PCDH15: variants seen among roughly 807,000 people sequenced by gnomAD.
PCDH15 encodes the protein protocadherin-15.
Under a neutral mutation model 178.5 loss-of-function variants are expected in PCDH15, and 129 were observed. The observed-to-expected ratio is 0.72, with a 90% CI of 0.63 to 0.84. The LOEUF is 0.84. PCDH15 is among the 40% of genes least tolerant of loss of function. The probability of loss-of-function intolerance (pLI) is 0.00; values close to 1 mark genes in which losing one functional copy is unlikely to be tolerated. For missense variants in PCDH15, 2,230 were observed against 2,099.9 expected (o/e 1.06, Z -1.21); for synonymous variants, 800 against 732.0 (o/e 1.09, Z -1.50).
At chr10:53,940,997 T>A in intron 23 of PCDH15, 22 bp from the exon 24 acceptor site, 2 of 1,465,386 alleles carry the variant, frequency 1.4e-6, no homozygotes, top group South Asian at 1.1e-5. Flanking sequence ...GAGAAGATGA[T>A]GTATTTATTT....
rs146472990 is a variant in PCDH15 at position 54,107,771 on chromosome 10, G to A, written c.1918-17708C>T. On this transcript the variant is annotated intron_variant, in intron 15 of 37. Transcript: ENST00000644397. ...ATGTAAAGAATCAGAGCCTGGGTGG[G>A]GTTTCAGAAAGTAAACGGTGTCAAA... Among the ~76,000 whole-genome samples, 351 of 152,176 alleles carry A rather than the reference G, an allele frequency of 2.3e-3. 1 individual carries two copies. Among genetic ancestry groups the A allele is most frequent in the Non-Finnish European group, 3.4e-3 (230 of 67,996 alleles).
At chr10:53,921,567 C>A (rs1564773694) in intron 25 of PCDH15, among the ~76,000 whole-genome samples, 1 of 152,142 alleles carries the variant, frequency 6.6e-6, no homozygotes, top group Admixed American at 6.5e-5. Flanking sequence ...CCAGGCCAAT[C>A]AGATTCTCTC....
intron 8 of PCDH15, among the ~76,000 whole-genome samples, chr10:54,266,146 A>AACAC (rs145223349): frequency 0.02 from 2,950 of 150,136 alleles, 93 homozygotes; most frequent in African/African-American, 0.066. Context: ...CGCAGACACA[A>AACAC]ACACACACAC....
Position 54,617,635 on chromosome 10 carries a change from TAAAAG to T in PCDH15, c.91+46532_91+46536del, listed in dbSNP as rs886285877. Among the ~76,000 whole-genome samples, 1,220 of 148,620 alleles carry T rather than the reference TAAAAG, an allele frequency of 8.2e-3. 19 individuals carry two copies. Among genetic ancestry groups the T allele is most frequent in the African/African-American group, 0.029 (1,158 of 40,238 alleles). On this transcript the variant is annotated intron_variant, in intron 2 of 37. Coordinates refer to ENST00000644397, the MANE Select transcript of PCDH15 (RefSeq NM_001384140.1). Reference sequence around the variant, plus strand: ...CATTACTATATATTAAAAAGTAGCTTAAAAGAAAAGAAAAGGCCAGGCACGGTGGC... The same window carrying T: ...CATTACTATATATTAAAAAGTAGCTTAAAAGAAAAGGCCAGGCACGGTGGC...
intron 2 of PCDH15, among the ~76,000 whole-genome samples, chr10:55,535,929 T>A (rs1308771684): frequency 6.6e-6 from 1 of 152,080 alleles, no homozygotes; most frequent in African/African-American, 2.4e-5. Flanking sequence ...GCTTAAGATA[T>A]TAAAATACAA....
chr10:54,557,126 G>T (rs1234132250), intron 2 of PCDH15, among the ~76,000 whole-genome samples: 2 of 152,106 alleles, frequency 1.3e-5, no homozygotes, highest in Non-Finnish European at 2.9e-5. Context: ...AGACTAGTGG[G>T]TAATTACAGT....
chr10:55,081,298 A>G (rs920803646), intron 2 of PCDH15, among the ~76,000 whole-genome samples: 1 of 152,096 alleles, frequency 6.6e-6, no homozygotes, highest in Admixed American at 6.6e-5. Context: ...CTGGAGAGAA[A>G]GAGATCTGAT....
Position 55,245,186 on chromosome 10 carries a change from A to G in PCDH15, c.-156+74413T>C, listed in dbSNP as rs1229048477. 3.3e-5 allele frequency among the ~76,000 whole-genome samples: 5 copies of G among 152,048 alleles called. 1 individual carries two copies. The East Asian group carries it at 9.7e-4, about 29-fold the overall frequency. On this transcript the variant is annotated intron_variant, in intron 1 of 5. Coordinates refer to the PCDH15 transcript ENST00000458638. Reference sequence around the variant, plus strand: ...AAATAGAAGTTACTGCTTCAGTTCTATTTTCTAGAAGTATAAAACATGAGT... The same window carrying G: ...AAATAGAAGTTACTGCTTCAGTTCTGTTTTCTAGAAGTATAAAACATGAGT...
intron 3 of PCDH15, among the ~76,000 whole-genome samples, chr10:54,884,512 C>T (rs1591762297): frequency 1.7e-5 from 2 of 116,870 alleles, no homozygotes; most frequent in South Asian, 5.2e-4. Flanking sequence ...TGTGTGTGTG[C>T]ACCTGTGTGC....
intron 2 of PCDH15, among the ~76,000 whole-genome samples, chr10:55,079,384 C>T (rs1467723483): frequency 1.3e-5 from 2 of 152,108 alleles, no homozygotes; most frequent in African/African-American, 4.8e-5. Flanking sequence ...ACTGTGATGT[C>T]CTTGGTGACT....
chr10:53,837,476 T>G (rs781142331), intron 29 of PCDH15, among the ~76,000 whole-genome samples: 1 of 152,196 alleles, frequency 6.6e-6, no homozygotes, highest in Non-Finnish European at 1.5e-5. Flanking sequence ...GCTTTTTTAT[T>G]TTTGATTGCC....
At chr10:54,219,379 A>G (rs1375704639) in intron 9 of PCDH15, among the ~76,000 whole-genome samples, 1 of 151,184 alleles carries the variant, frequency 6.6e-6, no homozygotes, top group African/African-American at 2.4e-5. Context: ...TCACCAGGTC[A>G]GGAGATCGAG....
At chr10:55,440,597 C>A (rs1161210532) in intron 2 of PCDH15, among the ~76,000 whole-genome samples, 1 of 151,816 alleles carries the variant, frequency 6.6e-6, no homozygotes, top group Non-Finnish European at 1.5e-5. Flanking sequence ...ACACACACAC[C>A]CAAACTAATA....
rs143036707 is a variant in PCDH15 at position 54,330,159 on chromosome 10, G to T, written c.595-453C>A. Among the ~76,000 whole-genome samples the T allele has an allele frequency of 6.0e-3, 511 of 84,648 alleles. 2 individuals carry two copies. The highest frequency in any genetic ancestry group is 0.026 in the African/African-American group (488 of 18,446). The allele number at this position is 84,648 out of a possible 152,430, so 55.5% of individuals were successfully genotyped here. A position where few individuals can be genotyped will look rare whatever the true frequency, so the allele number is the denominator to read the frequency against. ...TTTAAGTATTTTTAAGTATTATCTG[G>T]CATTAAATACAAAAAAAAAAATACA... On this transcript the variant is annotated intron_variant, in intron 6 of 37. Transcript: ENST00000644397.
At chr10:53,832,357 T>G (rs2077064221) in intron 29 of PCDH15, among the ~76,000 whole-genome samples, 1 of 151,982 alleles carries the variant, frequency 6.6e-6, no homozygotes, top group Admixed American at 6.6e-5. Flanking sequence ...AGCAGGTGAT[T>G]TTTTAAACAA....
At chr10:54,092,006 C>T (rs1172190256) in intron 15 of PCDH15, among the ~76,000 whole-genome samples, 2 of 152,120 alleles carry the variant, frequency 1.3e-5, no homozygotes, top group Middle Eastern at 3.2e-3. Context: ...TAATAAGCCT[C>T]CCCAATTTAA....
At chr10:55,455,079 T>C (rs1347131231) in intron 2 of PCDH15, among the ~76,000 whole-genome samples, 2 of 152,096 alleles carry the variant, frequency 1.3e-5, no homozygotes, top group Non-Finnish European at 2.9e-5. Flanking sequence ...GTGTGTTGCG[T>C]GGTATATTAT....
chr10:54,510,789 A>C (rs2137734449), intron 3 of PCDH15, among the ~76,000 whole-genome samples: 1 of 152,310 alleles, frequency 6.6e-6, no homozygotes, highest in Middle Eastern at 3.4e-3. Context: ...TTTGGTGTGA[A>C]TGTATTTCAA....
At chr10:54,860,677 G>A (rs762560736) in intron 3 of PCDH15, among the ~76,000 whole-genome samples, 4 of 152,168 alleles carry the variant, frequency 2.6e-5, no homozygotes, top group Non-Finnish European at 4.4e-5. Flanking sequence ...GTAATGGAAT[G>A]TCTGGGTCAT....
Sources: allele counts gnomAD v4.1 joint callset (sites outside exome capture counted in the v4.1 genomes callset), GRCh38; gene constraint gnomAD v4.1.1; transcripts MANE v1.5; gene names NCBI Gene and HGNC (gene_info 2026-07-23, HGNC 2026-07-21).